FSTL5: variants seen among roughly 807,000 people sequenced by gnomAD.
FSTL5 encodes follistatin like 5.
A neutral mutation model predicts 89.1 loss-of-function variants in FSTL5; 62 were observed. The ratio of observed to expected loss-of-function variants is 0.70; its 90% CI spans 0.57 to 0.86. The LOEUF is 0.86. Among genes scored for constraint, FSTL5 ranks in the 40% least tolerant of loss-of-function variants. The pLI is 0.00. For synonymous variants in FSTL5, 383 were observed against 346.2 expected (o/e 1.11, Z -1.18); for missense variants, 1,057 against 1,001.6 (o/e 1.06, Z -0.75).
intron 7 of FSTL5, among the ~76,000 whole-genome samples, chr4:161,642,033 T>C (rs1035702672): frequency 1.4e-4 from 22 of 152,160 alleles, no homozygotes; most frequent in African/African-American, 3.6e-4. Context: ...TTATTTCAAC[T>C]TTACAAAGAC....
intron 6 of FSTL5, among the ~76,000 whole-genome samples, chr4:161,721,262 G>C (rs1169062297): frequency 7.9e-4 from 95 of 120,664 alleles, no homozygotes; most frequent in Non-Finnish European, 1.2e-3. Flanking sequence ...TCCGGCCTGG[G>C]CGACAGAGCG....
intron 3 of FSTL5, among the ~76,000 whole-genome samples, chr4:161,974,048 C>G (rs1023035464): frequency 6.6e-6 from 1 of 152,132 alleles, no homozygotes; most frequent in Non-Finnish European, 1.5e-5. Flanking sequence ...ATCCAACTTA[C>G]AAGGGATGTG....
At chr4:161,796,282 T>C (rs1425414639) in intron 4 of FSTL5, among the ~76,000 whole-genome samples, 1 of 151,804 alleles carries the variant, frequency 6.6e-6, no homozygotes, top group African/African-American at 2.4e-5. Context: ...TCAGCACAAA[T>C]TGTAGTTCTC....
intron 1 of FSTL5, among the ~76,000 whole-genome samples, chr4:162,149,048 A>AC (rs1561046189): frequency 2.0e-5 from 3 of 152,178 alleles, no homozygotes; most frequent in African/African-American, 7.2e-5. Flanking sequence ...TGTGTCATTT[A>AC]CCATGTGATC....
chr4:161,451,312 A>G (rs1427776536), intron 15 of FSTL5, among the ~76,000 whole-genome samples: 2 of 152,190 alleles, frequency 1.3e-5, no homozygotes, highest in Non-Finnish European at 2.9e-5. Context: ...CTTAAATGGT[A>G]TTCTTAAATT....
At chr4:161,829,930 C>T (rs766274608) in intron 4 of FSTL5, among the ~76,000 whole-genome samples, 2 of 151,928 alleles carry the variant, frequency 1.3e-5, no homozygotes, top group African/African-American at 2.4e-5. Flanking sequence ...AAGAGCAACC[C>T]TTAAGTTTAT....
In FSTL5 at chr4:161,694,842, CT is replaced by C. The variant is rs34276732; in HGVS notation, c.728-38349del. 5.5e-3 allele frequency among the ~76,000 whole-genome samples: 579 copies of C among 106,208 alleles called. 5 individuals carry two copies. Among genetic ancestry groups the C allele is most frequent in the South Asian group, 0.035 (105 of 2,982 alleles). The allele number at this position is 106,208 out of a possible 152,430, so 69.7% of individuals were successfully genotyped here. ...TGCTTAGTGTTTGTTTTCTAAATGCCTTTTTTTTTTTTTTTTTTTGCAAAAA... is the reference window on the plus strand; with the variant it reads ...TGCTTAGTGTTTGTTTTCTAAATGCCTTTTTTTTTTTTTTTTTTGCAAAAA... On this transcript the variant is annotated intron_variant, in intron 6 of 15. Transcript: ENST00000306100.
intron 4 of FSTL5, among the ~76,000 whole-genome samples, chr4:161,823,945 T>C (rs1326197238): frequency 6.6e-6 from 1 of 152,250 alleles, no homozygotes; most frequent in Non-Finnish European, 1.5e-5. Flanking sequence ...ACAAAGATTT[T>C]TTCCCACTCT....
intron 6 of FSTL5, among the ~76,000 whole-genome samples, chr4:161,732,073 T>C (rs1739629896): frequency 2.2e-5 from 2 of 92,580 alleles, no homozygotes; most frequent in Non-Finnish European, 3.1e-5. Flanking sequence ...GGGGCAGTTC[T>C]ATACCGAACT....
At chr4:161,966,033 G>T (rs892358506) in intron 3 of FSTL5, among the ~76,000 whole-genome samples, 1 of 152,108 alleles carries the variant, frequency 6.6e-6, no homozygotes, top group Non-Finnish European at 1.5e-5. Context: ...CTAATTTTGT[G>T]TGAGAATATC....
intron 1 of FSTL5, among the ~76,000 whole-genome samples, chr4:162,125,746 T>C (rs916097664): frequency 2.3e-4 from 35 of 152,098 alleles, no homozygotes; most frequent in African/African-American, 8.4e-4. Context: ...AGGTGTTTAT[T>C]ATTTAAGCAG....
At chr4:162,059,509 T>C (rs762464714) in intron 2 of FSTL5, among the ~76,000 whole-genome samples, 22 of 152,162 alleles carry the variant, frequency 1.4e-4, no homozygotes, top group Non-Finnish European at 2.6e-4. Context: ...ATATAATATC[T>C]ATTTGTGTTT....
At chr4:161,930,110 T>G (rs968013448) in intron 3 of FSTL5, among the ~76,000 whole-genome samples, 6 of 151,812 alleles carry the variant, frequency 4.0e-5, no homozygotes, top group African/African-American at 1.4e-4. Flanking sequence ...ATGTAGTGAT[T>G]AGTGCTTAAC....
At chr4:161,682,757 T>TA (rs1737567737) in intron 6 of FSTL5, among the ~76,000 whole-genome samples, 1 of 152,016 alleles carries the variant, frequency 6.6e-6, no homozygotes, top group Non-Finnish European at 1.5e-5. Flanking sequence ...CTTTTTTTTT[T>TA]ATTTTTTGAG....
At chr4:161,878,858 A>AAG (rs1732535663) in intron 4 of FSTL5, among the ~76,000 whole-genome samples, 1 of 152,136 alleles carries the variant, frequency 6.6e-6, no homozygotes, top group African/African-American at 2.4e-5. Context: ...ATCACAATTA[A>AAG]TTTTTCCATC....
intron 3 of FSTL5, among the ~76,000 whole-genome samples, chr4:162,027,043 A>G (rs1737321800): frequency 1.3e-5 from 2 of 152,144 alleles, no homozygotes; most frequent in African/African-American, 4.8e-5. Flanking sequence ...TGTTTGCATA[A>G]CATGAATTGA....
chr4:161,995,910 T>C (rs1266931360), intron 3 of FSTL5, among the ~76,000 whole-genome samples: 1 of 151,926 alleles, frequency 6.6e-6, no homozygotes, highest in East Asian at 1.9e-4. Flanking sequence ...ATCTTGTTAC[T>C]CTCCAGAAAG....
chr4:161,687,882 G>A (rs1737799640), intron 6 of FSTL5, among the ~76,000 whole-genome samples: 2 of 152,146 alleles, frequency 1.3e-5, no homozygotes, highest in Admixed American at 6.5e-5. Context: ...AATGGGAGGT[G>A]GCTCAGCCCT....
intron 3 of FSTL5, among the ~76,000 whole-genome samples, chr4:161,999,322 A>C (rs2111100642): frequency 6.6e-6 from 1 of 152,338 alleles, no homozygotes; most frequent in East Asian, 1.9e-4. Context: ...AAATACTGAT[A>C]GAAAATAAAC....
Sources: gnomAD v4.1 joint callset for allele counts (sites outside exome capture counted in the v4.1 genomes callset) on GRCh38, gnomAD v4.1.1 for gene constraint, MANE v1.5 for transcripts, NCBI Gene and HGNC (gene_info 2026-07-23, HGNC 2026-07-21) for gene names.